The following ATRNL1 variants were observed in gnomAD, a reference collection of about 807,000 sequenced individuals.
ATRNL1 encodes attractin-like protein 1.
ATRNL1 carries 95 observed loss-of-function variants against 182.7 expected under a neutral mutation model. That is an observed-to-expected ratio of 0.52 (90% CI 0.44 to 0.62). The LOEUF (loss-of-function observed/expected upper bound fraction) is 0.62. Ranked by LOEUF, ATRNL1 falls within the 20% of genes least tolerant of loss-of-function variation. ATRNL1 has a pLI of 0.00. For synonymous variants in ATRNL1, 576 were observed against 568.3 expected (o/e 1.01, Z -0.19); for missense variants, 1,471 against 1,679.5 (o/e 0.88, Z 2.17).
At chr10:115,870,876 T>C (rs1456969342) in intron 28 of ATRNL1, among the ~76,000 whole-genome samples, 2 of 152,200 alleles carry the variant, frequency 1.3e-5, no homozygotes, top group Admixed American at 6.5e-5. Context: ...TTCTTTATAG[T>C]TGTCATGAAG....
chr10:115,149,751 T>C (rs915305779), intron 5 of ATRNL1, among the ~76,000 whole-genome samples: 1 of 152,150 alleles, frequency 6.6e-6, no homozygotes, highest in Non-Finnish European at 1.5e-5. Context: ...TTGAGTATCT[T>C]TGCATCTGTA....
chr10:115,683,143 T>C (rs1391164884), intron 26 of ATRNL1, among the ~76,000 whole-genome samples: 1 of 152,112 alleles, frequency 6.6e-6, no homozygotes, highest in African/African-American at 2.4e-5. Flanking sequence ...TTTATACATA[T>C]GGATATTATG....
intron 1 of ATRNL1, among the ~76,000 whole-genome samples, chr10:115,118,066 G>A (rs560205374): frequency 6.6e-6 from 1 of 152,032 alleles, no homozygotes; most frequent in South Asian, 2.1e-4. Context: ...TTTTTTTCCT[G>A]TTGAGTTGTT....
intron 8 of ATRNL1, 169 bp downstream of exon 8, chr10:115,171,461 T>G: frequency 1.9e-6 from 1 of 539,264 alleles, no homozygotes; most frequent in Non-Finnish European, 2.9e-6. Context: ...GATTTTGTCC[T>G]TTAATATTTA....
intron 18 of ATRNL1, among the ~76,000 whole-genome samples, chr10:115,317,474 A>G (rs373214551): frequency 6.6e-6 from 1 of 152,300 alleles, no homozygotes; most frequent in African/African-American, 2.4e-5. Context: ...TCTATAAATT[A>G]CTTTGGGCAG....
At chr10:115,539,807 A>G (rs1852247189) in intron 25 of ATRNL1, among the ~76,000 whole-genome samples, 1 of 152,154 alleles carries the variant, frequency 6.6e-6, no homozygotes, top group Admixed American at 6.5e-5. Context: ...CTCTGGCTAC[A>G]GAGAGCCAAG....
At chr10:115,931,205 T>A (rs1254464323) in intron 28 of ATRNL1, among the ~76,000 whole-genome samples, 4 of 152,168 alleles carry the variant, frequency 2.6e-5, no homozygotes, top group Non-Finnish European at 5.9e-5. Flanking sequence ...TAATCTGTAT[T>A]TCTCCAATTT....
intron 8 of ATRNL1, among the ~76,000 whole-genome samples, chr10:115,207,344 G>GCATCTGTTGTTT (rs1554894020): frequency 2.0e-5 from 3 of 152,032 alleles, no homozygotes; most frequent in African/African-American, 7.2e-5. Flanking sequence ...ATCCTCTCCA[G>GCATCTGTTGTTT]CATCTGTTGT....
At position 115,856,428 on chromosome 10, in the gene ATRNL1, C is replaced by CAA. The variant is rs572743389; in HGVS notation, c.4018+8458_4018+8459dup. Among the ~76,000 whole-genome samples the CAA allele has an allele frequency of 1.4e-3, 31 of 22,530 alleles. 3 individuals carry two copies. Among genetic ancestry groups the CAA allele is most frequent in the South Asian group, 3.8e-3 (1 of 264 alleles). The allele number at this position is 22,530 out of a possible 152,430, so 14.8% of individuals were successfully genotyped here. A position where few individuals can be genotyped will look rare whatever the true frequency, so the allele number is the denominator to read the frequency against. On this transcript the variant is annotated intron_variant, in intron 28 of 28. Transcript: ENST00000355044. ...GGGCAACAAGAGCGAAGCTCCATCT[C>CAA]AAAAAAAAAAAAAAAAAAAAAAGCC... is the stretch of plus-strand genomic sequence containing the variant.
At chr10:115,565,901 C>T (rs1555001618) in intron 26 of ATRNL1, among the ~76,000 whole-genome samples, 1 of 152,046 alleles carries the variant, frequency 6.6e-6, no homozygotes. Context: ...TACAGGTTAG[C>T]AAGATTCTAC....
At chr10:115,490,606 C>G (rs551440663) in intron 24 of ATRNL1, among the ~76,000 whole-genome samples, 1 of 152,210 alleles carries the variant, frequency 6.6e-6, no homozygotes, top group African/African-American at 2.4e-5. Context: ...ATTGGTTATT[C>G]TAGTTAGCAA....
At chr10:115,274,686 G>A (rs1038051743) in intron 13 of ATRNL1, among the ~76,000 whole-genome samples, 1 of 152,164 alleles carries the variant, frequency 6.6e-6, no homozygotes, top group Admixed American at 6.5e-5. Flanking sequence ...AATAGGAGTG[G>A]AGAGTTGGTA....
intron 8 of ATRNL1, among the ~76,000 whole-genome samples, chr10:115,183,817 G>A (rs1847836712): frequency 6.6e-6 from 1 of 151,480 alleles, no homozygotes; most frequent in African/African-American, 2.4e-5. Context: ...TATAAGGGAA[G>A]TATAACATTG....
At chr10:115,314,591 T>C (rs61880842) in intron 17 of ATRNL1, among the ~76,000 whole-genome samples, 3,142 of 152,258 alleles carry the variant, frequency 0.021, 52 homozygotes, top group Middle Eastern at 0.048. Context: ...AGACAAAATA[T>C]AATATTCCTA....
intron 9 of ATRNL1, among the ~76,000 whole-genome samples, chr10:115,221,955 A>G (rs1002038838): frequency 1.4e-5 from 2 of 138,780 alleles, no homozygotes; most frequent in Non-Finnish European, 3.2e-5. Flanking sequence ...GGCACAAACT[A>G]AAAAAAAAAG....
At chr10:115,331,200 C>CA (rs1407715737) in intron 18 of ATRNL1, among the ~76,000 whole-genome samples, 3 of 152,060 alleles carry the variant, frequency 2.0e-5, no homozygotes, top group Non-Finnish European at 4.4e-5. Flanking sequence ...GCTGGGACTA[C>CA]AGGCGCCCGC....
intron 26 of ATRNL1, among the ~76,000 whole-genome samples, chr10:115,704,980 C>T (rs1946852292): frequency 6.6e-6 from 1 of 151,816 alleles, no homozygotes; most frequent in African/African-American, 2.4e-5. Context: ...CGGCCCCACT[C>T]TCCAGTCACT....
chr10:115,268,298 G>T (rs1554911530), intron 12 of ATRNL1, 28 bp from the exon 13 acceptor site: 3 of 1,287,250 alleles, frequency 2.3e-6, no homozygotes, highest in Non-Finnish European at 3.4e-6. Flanking sequence ...TTTCCGTGCT[G>T]ATATATCGTC....
chr10:115,270,280 T>A (rs1310104148), intron 13 of ATRNL1, among the ~76,000 whole-genome samples: 1 of 144,740 alleles, frequency 6.9e-6, no homozygotes, highest in African/African-American at 2.5e-5. Context: ...TATATAAATA[T>A]ATAAACATTT....
Sources: gnomAD v4.1 joint callset for allele counts (sites outside exome capture counted in the v4.1 genomes callset) on GRCh38, gnomAD v4.1.1 for gene constraint, MANE v1.5 for transcripts, NCBI Gene and HGNC (gene_info 2026-07-23, HGNC 2026-07-21) for gene names.